Variants in BTBD9 observed in about 807,000 individuals in gnomAD.
BTBD9 encodes BTB domain containing 9.
In BTBD9, 49 loss-of-function variants were observed where a neutral mutation model predicts 64.3. The observed-to-expected ratio is 0.76, with a 90% CI of 0.61 to 0.97. The LOEUF (loss-of-function observed/expected upper bound fraction) is 0.97, where lower values mean the gene tolerates loss of function less well. Ranked by LOEUF, BTBD9 falls within the 50% of genes least tolerant of loss-of-function variation. BTBD9 has a pLI of 0.00. For missense variants in BTBD9, 598 were observed against 762.1 expected, an observed-to-expected ratio of 0.78 and a Z score of 2.53; for synonymous variants, 260 against 274.7, an observed-to-expected ratio of 0.95 and a Z score of 0.53.
intron 7 of BTBD9, among the ~76,000 whole-genome samples, chr6:38,297,334 C>A (rs1762194367): frequency 6.6e-6 from 1 of 152,034 alleles, no homozygotes; most frequent in Non-Finnish European, 1.5e-5. Flanking sequence ...CCATTGCACC[C>A]CAGCCTGGGC....
At chr6:38,377,017 T>C (rs574854427) in intron 6 of BTBD9, among the ~76,000 whole-genome samples, 1 of 152,342 alleles carries the variant, frequency 6.6e-6, no homozygotes, top group East Asian at 1.9e-4. Context: ...GTTAGGCTTA[T>C]CTAAACCAAT....
At chr6:38,282,805 G>T (rs900555224) in intron 8 of BTBD9, among the ~76,000 whole-genome samples, 2 of 152,132 alleles carry the variant, frequency 1.3e-5, no homozygotes, top group Non-Finnish European at 2.9e-5. Flanking sequence ...TTCTCAGTGA[G>T]GCCTTCCTGA....
At chr6:38,491,771 T>C (rs1771712349) in intron 6 of BTBD9, among the ~76,000 whole-genome samples, 1 of 151,874 alleles carries the variant, frequency 6.6e-6, no homozygotes, top group Admixed American at 6.6e-5. Context: ...AAATCCTGAG[T>C]CTTTCACCTG....
chr6:38,576,849 A>C (rs1210458400), intron 6 of BTBD9, among the ~76,000 whole-genome samples: 3 of 152,256 alleles, frequency 2.0e-5, no homozygotes, highest in Admixed American at 6.5e-5. Flanking sequence ...CCACCTAAAC[A>C]AATTCACTAA....
chr6:38,624,451 C>T (rs1403288134), intron 1 of BTBD9, among the ~76,000 whole-genome samples: 1 of 152,068 alleles, frequency 6.6e-6, no homozygotes, highest in Non-Finnish European at 1.5e-5. Context: ...GTCAGAGAGA[C>T]CACGAACCCA....
At chr6:38,256,596 C>G in intron 8 of BTBD9, 80 bp from the exon 9 acceptor site, 1 of 944,704 alleles carries the variant, frequency 1.1e-6, no homozygotes, top group Non-Finnish European at 1.7e-6. Flanking sequence ...ATCCCTCCCA[C>G]CCACCTCCTT....
intron 7 of BTBD9, among the ~76,000 whole-genome samples, chr6:38,343,953 C>A (rs1764191738): frequency 6.6e-6 from 1 of 152,162 alleles, no homozygotes. Flanking sequence ...TATAGTTATT[C>A]CCATGCTTTT....
chr6:38,186,431 T>C (rs1262137375), intron 10 of BTBD9, among the ~76,000 whole-genome samples: 1 of 152,206 alleles, frequency 6.6e-6, no homozygotes, highest in Admixed American at 6.5e-5. Flanking sequence ...TACAAATGTT[T>C]CTGGTTTAAG....
intron 6 of BTBD9, among the ~76,000 whole-genome samples, chr6:38,561,917 C>T (rs1274163313): frequency 6.6e-6 from 1 of 151,860 alleles, no homozygotes; most frequent in Non-Finnish European, 1.5e-5. Context: ...ATGTGCCCCC[C>T]GAATGTAAAA....
At chr6:38,449,550 G>C (rs1174689482) in intron 6 of BTBD9, among the ~76,000 whole-genome samples, 1 of 151,930 alleles carries the variant, frequency 6.6e-6, no homozygotes, top group African/African-American at 2.4e-5. Flanking sequence ...AAATGATGCT[G>C]AGAAAACTAG....
At chr6:38,556,560 A>T (rs1206284678) in intron 6 of BTBD9, among the ~76,000 whole-genome samples, 13 of 150,648 alleles carry the variant, frequency 8.6e-5, no homozygotes, top group African/African-American at 2.7e-4. Flanking sequence ...TGAGAGAGAG[A>T]GAGAGAGAGA....
intron 6 of BTBD9, among the ~76,000 whole-genome samples, chr6:38,365,457 A>G (rs1201304614): frequency 1.3e-5 from 2 of 152,216 alleles, no homozygotes; most frequent in Admixed American, 1.3e-4. Flanking sequence ...TACTGAAGGT[A>G]CAGGCTGGAT....
chr6:38,460,802 T>C (rs1392745373), intron 6 of BTBD9, among the ~76,000 whole-genome samples: 1 of 152,146 alleles, frequency 6.6e-6, no homozygotes, highest in Non-Finnish European at 1.5e-5. Context: ...TTTTGTATTT[T>C]AGTAGAGACG....
chr6:38,314,303 C>T (rs1762956325), intron 7 of BTBD9, among the ~76,000 whole-genome samples: 1 of 151,862 alleles, frequency 6.6e-6, no homozygotes. Context: ...TCACGCCATT[C>T]TCCTGCCTCA....
chr6:38,573,669 C>A (rs752070987), intron 6 of BTBD9, among the ~76,000 whole-genome samples: 1 of 152,168 alleles, frequency 6.6e-6, no homozygotes, highest in Middle Eastern at 3.2e-3. Context: ...TTCCAGCCAC[C>A]AGTCACATGC....
chr6:38,472,046 G>A (rs1770673837), intron 6 of BTBD9, among the ~76,000 whole-genome samples: 1 of 152,122 alleles, frequency 6.6e-6, no homozygotes, highest in African/African-American at 2.4e-5. Context: ...TAGAAAATGT[G>A]GGTATTATAT....
intron 6 of BTBD9, among the ~76,000 whole-genome samples, chr6:38,537,788 G>C (rs1774086886): frequency 6.6e-6 from 1 of 152,208 alleles, no homozygotes; most frequent in East Asian, 1.9e-4. Flanking sequence ...TCCTTTGCCA[G>C]TAGGTGTAGC....
intron 6 of BTBD9, among the ~76,000 whole-genome samples, chr6:38,397,965 T>C (rs140277375): frequency 3.9e-5 from 6 of 152,238 alleles, no homozygotes; most frequent in Non-Finnish European, 8.8e-5. Flanking sequence ...TATTGGAATA[T>C]ATAATAGAGT....
intron 8 of BTBD9, among the ~76,000 whole-genome samples, chr6:38,264,934 T>C (rs1764920085): frequency 6.6e-6 from 1 of 152,016 alleles, no homozygotes; most frequent in African/African-American, 2.4e-5. Flanking sequence ...AGTCTCCTAA[T>C]AGCAGGAGGA....
Sources: gnomAD v4.1 joint callset for allele counts (sites outside exome capture counted in the v4.1 genomes callset) on GRCh38, gnomAD v4.1.1 for gene constraint, MANE v1.5 for transcripts, NCBI Gene and HGNC (gene_info 2026-07-23, HGNC 2026-07-21) for gene names.